The following FLRT1 variants were observed in gnomAD, a reference collection of about 807,000 sequenced individuals.
The protein encoded by FLRT1 is fibronectin leucine rich transmembrane protein 1, also known as leucine-rich repeat transmembrane protein FLRT1.
FLRT1 carries 14 observed loss-of-function variants against 30.9 expected under a neutral mutation model. The ratio of observed to expected loss-of-function variants is 0.45; its 90% CI spans 0.30 to 0.71. The LOEUF (loss-of-function observed/expected upper bound fraction) is 0.71, where lower values mean the gene tolerates loss of function less well. FLRT1 is among the 30% of genes least tolerant of loss of function. FLRT1 has a pLI of 0.08. For synonymous variants in FLRT1, 368 were observed against 430.4 expected, an observed-to-expected ratio of 0.85 and a Z score of 1.80; for missense variants, 737 against 949.2, an observed-to-expected ratio of 0.78 and a Z score of 2.94.
chr11:64,096,569 T>A lies in FLRT1; in HGVS notation c.-1037-6625T>A, dbSNP rs1354670151. Among the ~76,000 whole-genome samples, 1 of 151,686 alleles carries A rather than the reference T, an allele frequency of 6.6e-6. No homozygotes were observed. Among genetic ancestry groups the A allele is most frequent in the African/African-American group, 2.4e-5 (1 of 41,280 alleles). On this transcript the variant is annotated intron_variant, in intron 1 of 2. Transcript: ENST00000682287. This position sits in a 1 kb window ranked among gnomAD's most constrained non-coding sequence, Gnocchi z 4.6. ...TAGCTGGGATTACAGGCGCCTGCCATCACGCCCAGCTAATTTTTTTATTTT... is the reference window on the plus strand; with the variant it reads ...TAGCTGGGATTACAGGCGCCTGCCAACACGCCCAGCTAATTTTTTTATTTT...
At chr11:64,069,375 C>T (rs572800304) in intron 1 of FLRT1, among the ~76,000 whole-genome samples, 1 of 152,336 alleles carries the variant, frequency 6.6e-6, no homozygotes, top group East Asian at 1.9e-4. Flanking sequence ...CTCTCTCTGG[C>T]CCAAAGCCCC....
intron 1 of FLRT1, among the ~76,000 whole-genome samples, chr11:64,061,967 C>A (rs1943913690): frequency 6.8e-6 from 1 of 147,062 alleles, no homozygotes; most frequent in Non-Finnish European, 1.5e-5. Context: ...ACCATGCCAC[C>A]CCCACCCCCC....
chr11:64,073,817 G>A (rs77446680), intron 1 of FLRT1, among the ~76,000 whole-genome samples: 60 of 152,314 alleles, frequency 3.9e-4, no homozygotes, highest in African/African-American at 1.4e-3. Flanking sequence ...CCCTGTGTTG[G>A]GGAGGGGGGC....
intron 1 of FLRT1, among the ~76,000 whole-genome samples, chr11:64,076,460 G>A (rs1944203240): frequency 6.6e-6 from 1 of 152,092 alleles, no homozygotes; most frequent in Non-Finnish European, 1.5e-5. Context: ...ACGGATGGAT[G>A]GACGGACGGA....
chr11:64,076,314 G>A (rs1420296050), intron 1 of FLRT1, among the ~76,000 whole-genome samples: 1 of 152,192 alleles, frequency 6.6e-6, no homozygotes, highest in African/African-American at 2.4e-5. Context: ...GCCATGCTCT[G>A]ACTTGGGGTT....
rs1328320827 is a variant in FLRT1 at position 64,116,230 on chromosome 11, C to G, written c.-38C>G. On this transcript the variant is annotated 5_prime_UTR_variant, in exon 3 of 3. Coordinates refer to ENST00000682287, the MANE Select transcript of FLRT1 (RefSeq NM_013280.5). ...TGTGCTCCTTGCAGGTATTCAGGCT[C>G]CAGGCCAGGTGGGGCCGGACGCCCC... The G allele has an allele frequency of 6.4e-7, 1 of 1,569,310 alleles. No homozygotes were observed. The highest frequency in any genetic ancestry group is 1.7e-5 in the Admixed American group (1 of 57,788).
chr11:64,105,066 G>A (rs1342030824), intron 2 of FLRT1, among the ~76,000 whole-genome samples: 3 of 152,254 alleles, frequency 2.0e-5, no homozygotes, highest in Non-Finnish European at 4.4e-5. Flanking sequence ...TCAGCACGGC[G>A]CAGCATGCAT....
intron 1 of FLRT1, among the ~76,000 whole-genome samples, chr11:64,094,882 C>T (rs553321126): frequency 3.9e-5 from 6 of 152,298 alleles, no homozygotes; most frequent in South Asian, 4.1e-4. Context: ...GAGTGGATTT[C>T]GCCGAATGTC....
chr11:64,039,618 G>A (rs1372700982), intron 1 of FLRT1, among the ~76,000 whole-genome samples: 5 of 152,196 alleles, frequency 3.3e-5, no homozygotes, highest in Admixed American at 2.0e-4. Context: ...TCCTCCCCCC[G>A]GACAGCCTGC....
chr11:64,107,517 C>T (rs1944784727), intron 2 of FLRT1, among the ~76,000 whole-genome samples: 1 of 150,618 alleles, frequency 6.6e-6, no homozygotes, highest in Non-Finnish European at 1.5e-5. Context: ...TGGTTAGGTG[C>T]ATTTATAGTG....
At chr11:64,069,977 G>A (rs1262893105) in intron 1 of FLRT1, among the ~76,000 whole-genome samples, 1 of 152,152 alleles carries the variant, frequency 6.6e-6, no homozygotes, top group East Asian at 1.9e-4. Flanking sequence ...TCTGCAGGGG[G>A]CAGAGCAGGG....
At position 64,118,282 on chromosome 11, in the gene FLRT1, C is replaced by A; in HGVS notation, c.2015C>A (p.Ser672Tyr). The A allele has an allele frequency of 6.4e-7, 1 of 1,568,444 alleles. No homozygotes were observed. Among genetic ancestry groups the A allele is most frequent in the Non-Finnish European group, 8.7e-7 (1 of 1,151,266 alleles). The change falls in exon 3 of 3, where the codon TCC becomes TAC. Residue 672 changes from serine (S) to tyrosine (Y), a missense_variant. Ser to Tyr is a moderately radical substitution (Grantham distance 144). Transcript: ENST00000682287. The stretch of plus-strand genomic sequence containing the variant: ...GGCGGCATCCCCGACATAGACTACT[C>A]CTACACATGATGCCCGCCCACCCGG... ...RDGGIPDIDY[S>Y]YT
intron 1 of FLRT1, among the ~76,000 whole-genome samples, chr11:64,047,294 T>TACA: frequency 1.3e-5 from 2 of 152,234 alleles, no homozygotes; most frequent in Non-Finnish European, 2.9e-5. Flanking sequence ...GCTTTCTTTG[T>TACA]ACAACAGCCC....
chr11:64,053,848 A>C lies in FLRT1; in HGVS notation c.-1038+17689A>C, dbSNP rs115019936. 4.1e-3 allele frequency among the ~76,000 whole-genome samples: 631 copies of C among 152,234 alleles called. 8 individuals carry two copies. The highest frequency in any genetic ancestry group is 0.014 in the African/African-American group (584 of 41,546). On this transcript the variant is annotated intron_variant, in intron 1 of 2. Coordinates refer to ENST00000682287, the MANE Select transcript of FLRT1 (RefSeq NM_013280.5). The stretch of plus-strand genomic sequence containing the variant: ...TGGGGAGGGGAGTGCTCAAGGTCAC[A>C]TGGGAGTTAGGGGCAGGGCTAAGAT...
chr11:64,069,382 C>T (rs1265404418), intron 1 of FLRT1, among the ~76,000 whole-genome samples: 1 of 152,220 alleles, frequency 6.6e-6, no homozygotes, highest in Non-Finnish European at 1.5e-5. Context: ...TGGCCCAAAG[C>T]CCCAGGAGCC....
At chr11:64,068,809 T>C (rs559337251) in intron 1 of FLRT1, among the ~76,000 whole-genome samples, 5 of 152,314 alleles carry the variant, frequency 3.3e-5, no homozygotes, top group African/African-American at 7.2e-5. Context: ...CCCCCATCCT[T>C]TGTGGGCCTG....
intron 1 of FLRT1, among the ~76,000 whole-genome samples, chr11:64,062,996 C>T (rs756583319): frequency 3.9e-5 from 6 of 152,208 alleles, no homozygotes; most frequent in Admixed American, 6.5e-5. Context: ...ACAGGGCTCC[C>T]GGCCCATCTT....
intron 1 of FLRT1, among the ~76,000 whole-genome samples, chr11:64,092,587 GC>G (rs1340495925): frequency 1.3e-5 from 2 of 152,238 alleles, no homozygotes; most frequent in Non-Finnish European, 2.9e-5. Flanking sequence ...CGGCTCCTCT[GC>G]CCCGTCCACT....
chr11:64,114,005 T>C (rs1944918078), intron 2 of FLRT1, among the ~76,000 whole-genome samples: 1 of 136,660 alleles, frequency 7.3e-6, no homozygotes, highest in African/African-American at 2.7e-5. Flanking sequence ...AATGGACAGG[T>C]GGATGCATGG....
Sources: gnomAD v4.1 joint callset for allele counts (sites outside exome capture counted in the v4.1 genomes callset) on GRCh38, gnomAD v4.1.1 for gene constraint, Gnocchi (gnomAD v3.1) non-coding constraint, MANE v1.5 for transcripts, NCBI Gene and HGNC (gene_info 2026-07-23, HGNC 2026-07-21) for gene names.